Variants in GRIN3A observed in about 807,000 individuals in gnomAD.
The protein encoded by GRIN3A is glutamate receptor ionotropic, NMDA 3A.
GRIN3A carries 47 observed loss-of-function variants against 92.4 expected under a neutral mutation model. The observed-to-expected ratio is 0.51, with a 90% CI of 0.40 to 0.65. The LOEUF is 0.65. GRIN3A is among the 30% of genes least tolerant of loss of function. The pLI, the probability that GRIN3A is intolerant of heterozygous loss-of-function variation, is 0.00. For missense variants in GRIN3A, 1,324 were observed against 1,393.1 expected (o/e 0.95, Z 0.79); for synonymous variants, 527 against 540.6 (o/e 0.97, Z 0.35).
intron 3 of GRIN3A, among the ~76,000 whole-genome samples, chr9:101,630,592 A>T (rs1025482033): frequency 6.6e-6 from 1 of 152,184 alleles, no homozygotes; most frequent in Non-Finnish European, 1.5e-5. Flanking sequence ...TCAGCTTTTG[A>T]CAACTGTGTA....
Position 101,613,506 on chromosome 9 carries a change from G to A in GRIN3A, c.2636C>T (p.Pro879Leu). The A allele has an allele frequency of 6.2e-7, 1 of 1,614,136 alleles. No homozygotes were observed. The highest frequency in any genetic ancestry group is 8.5e-7 in the Non-Finnish European group (1 of 1,180,000). ...AIEGYGIGLP[P>L]NSPLTANISE... Reference sequence around the variant, plus strand: ...TATGTTGGCGGTCAATGGAGAGTTGGGTGGGAGGCCAATGCCGTATCCTAG... The same window carrying A: ...TATGTTGGCGGTCAATGGAGAGTTGAGTGGGAGGCCAATGCCGTATCCTAG... The change falls in exon 6 of 9, where the codon CCC becomes CTC. Residue 879 changes from proline to leucine, a missense_variant. Coordinates refer to ENST00000361820, the MANE Select transcript of GRIN3A (RefSeq NM_133445.3).
chr9:101,588,478 A>T (rs953169864), intron 6 of GRIN3A, among the ~76,000 whole-genome samples: 6 of 151,972 alleles, frequency 3.9e-5, no homozygotes, highest in African/African-American at 1.2e-4. Flanking sequence ...GGGATTCTTG[A>T]GCCCCCATTT....
chr9:101,686,929 G>A lies in GRIN3A; in HGVS notation c.971C>T (p.Thr324Ile). Reference protein sequence around the residue: ...QLESIKNSTPTVVMFGCDMES... With the variant: ...QLESIKNSTPIVVMFGCDMES... ...CATGTCGCAGCCAAACATCACCACT[G>A]TGGGTGTGCTGTTCTTAATACTCTC... Residue 324 changes from threonine to isoleucine, a missense_variant, in exon 2 of 9, where the codon ACA becomes ATA. By Grantham distance (89) the Thr-to-Ile change is moderately conservative. Coordinates refer to ENST00000361820, the MANE Select transcript of GRIN3A (RefSeq NM_133445.3). 2 of 1,614,182 alleles carry A rather than the reference G, an allele frequency of 1.2e-6. No individual in the cohort carries two copies. Among genetic ancestry groups the A allele is most frequent in the African/African-American group, 1.3e-5 (1 of 75,060 alleles).
At chr9:101,618,996 T>A (rs955235665) in intron 5 of GRIN3A, among the ~76,000 whole-genome samples, 4 of 152,234 alleles carry the variant, frequency 2.6e-5, no homozygotes. Context: ...GGAAATTGGA[T>A]ACAGCTTAAT....
chr9:101,729,009 A>C (rs931082091), intron 1 of GRIN3A, among the ~76,000 whole-genome samples: 1 of 152,200 alleles, frequency 6.6e-6, no homozygotes, highest in African/African-American at 2.4e-5. Context: ...CCTTGAATCC[A>C]CGTCCAGGTA....
At chr9:101,578,298 G>A (rs1827851336) in intron 7 of GRIN3A, among the ~76,000 whole-genome samples, 1 of 151,978 alleles carries the variant, frequency 6.6e-6, no homozygotes. Context: ...ATACTTCCCA[G>A]GATAAAAGTA....
Position 101,670,550 on chromosome 9 carries a change from A to G in GRIN3A, c.1862T>C (p.Leu621Pro). 1.9e-6 allele frequency: 3 copies of G among 1,614,064 alleles called. No homozygotes were observed. The highest frequency in any genetic ancestry group is 2.2e-5 in the East Asian group (1 of 44,858). ...GACTGCCATGTGGGCAGTCCCTCTC[A>G]GGAGATCACCCACTAGCCCAGTCCA... ...GHWTGLVGDL[L>P]RGTAHMAVTS... The change falls in exon 3 of 9, where the codon CTG (leucine) becomes CCG (proline). Residue 621 changes from leucine to proline, a missense_variant. Leu to Pro is a moderately conservative substitution (Grantham distance 98). Transcript: ENST00000361820.
At chr9:101,704,647 C>T (rs566338711) in intron 1 of GRIN3A, among the ~76,000 whole-genome samples, 61 of 152,254 alleles carry the variant, frequency 4.0e-4, no homozygotes, top group African/African-American at 1.3e-3. Flanking sequence ...TCCAGCCACA[C>T]GATCAGGAGG....
chr9:101,615,844 G>T (rs62577382), intron 5 of GRIN3A, among the ~76,000 whole-genome samples: 18,253 of 151,928 alleles, frequency 0.12, 1,916 homozygotes, highest in African/African-American at 0.29. Context: ...ATTGACCCAG[G>T]GAGGAAAAAC....
At chr9:101,730,441 T>C (rs1588301154) in intron 1 of GRIN3A, among the ~76,000 whole-genome samples, 2 of 152,168 alleles carry the variant, frequency 1.3e-5, no homozygotes, top group East Asian at 3.8e-4. Context: ...TAGGTACATA[T>C]GGTGCAGTCC....
chr9:101,608,067 G>A (rs1189033823), intron 6 of GRIN3A, among the ~76,000 whole-genome samples: 2 of 152,150 alleles, frequency 1.3e-5, no homozygotes, highest in Non-Finnish European at 2.9e-5. Context: ...ATGTACCCAG[G>A]TAAGCATCAT....
chr9:101,649,835 G>A (rs1002774077), intron 3 of GRIN3A, among the ~76,000 whole-genome samples: 2 of 152,006 alleles, frequency 1.3e-5, no homozygotes, highest in African/African-American at 4.8e-5. Context: ...ATTGACTGCA[G>A]TCTAGAAAAT....
intron 6 of GRIN3A, among the ~76,000 whole-genome samples, chr9:101,582,342 G>A (rs1010461899): frequency 6.6e-6 from 1 of 152,176 alleles, no homozygotes; most frequent in African/African-American, 2.4e-5. Context: ...ACTAGTGTTA[G>A]GGTCCCTAGA....
chr9:101,644,142 A>G (rs1828902446), intron 3 of GRIN3A, among the ~76,000 whole-genome samples: 1 of 151,906 alleles, frequency 6.6e-6, no homozygotes, highest in Non-Finnish European at 1.5e-5. Flanking sequence ...AATGCATATA[A>G]TTTTCATTTT....
chr9:101,645,167 C>G (rs973440161), intron 3 of GRIN3A, among the ~76,000 whole-genome samples: 1 of 151,914 alleles, frequency 6.6e-6, no homozygotes, highest in African/African-American at 2.4e-5. Context: ...CCCCATGCTT[C>G]CTAACCTCTA....
intron 3 of GRIN3A, among the ~76,000 whole-genome samples, chr9:101,660,985 A>G (rs1279269363): frequency 6.6e-6 from 1 of 151,886 alleles, no homozygotes; most frequent in Non-Finnish European, 1.5e-5. Context: ...AAGCAAGATA[A>G]AGTGGGACAG....
At chr9:101,721,110 A>G (rs1357141273) in intron 1 of GRIN3A, among the ~76,000 whole-genome samples, 1 of 152,094 alleles carries the variant, frequency 6.6e-6, no homozygotes, top group African/African-American at 2.4e-5. Flanking sequence ...CCAAATCTCA[A>G]CTTGAATTGT....
At chr9:101,681,074 C>A (rs1829460125) in intron 2 of GRIN3A, among the ~76,000 whole-genome samples, 1 of 152,150 alleles carries the variant, frequency 6.6e-6, no homozygotes, top group South Asian at 2.1e-4. Context: ...GGAGCTTTCT[C>A]TGCAGGAACA....
intron 2 of GRIN3A, among the ~76,000 whole-genome samples, chr9:101,676,504 A>G (rs1829397230): frequency 6.6e-6 from 1 of 151,812 alleles, no homozygotes; most frequent in South Asian, 2.1e-4. Context: ...ATCATATTTG[A>G]TATTTCCCCC....
Sources: allele counts gnomAD v4.1 joint callset (sites outside exome capture counted in the v4.1 genomes callset), GRCh38; gene constraint gnomAD v4.1.1; transcripts MANE v1.5; gene names NCBI Gene and HGNC (gene_info 2026-07-23, HGNC 2026-07-21).